Variants in DYNC2H1 observed in about 807,000 individuals in gnomAD.
The protein encoded by DYNC2H1 is dynein cytoplasmic 2 heavy chain 1.
DYNC2H1 carries 410 observed loss-of-function variants against 570.0 expected under a neutral mutation model. That is an observed-to-expected ratio of 0.72 (90% CI 0.66 to 0.78). DYNC2H1 has a LOEUF of 0.78. Among genes scored for constraint, DYNC2H1 ranks in the 30% least tolerant of loss-of-function variants. The probability of loss-of-function intolerance (pLI) is 0.00; values close to 1 mark genes in which losing one functional copy is unlikely to be tolerated. For synonymous variants in DYNC2H1, 1,688 were observed against 1,677.6 expected (o/e 1.01, Z -0.15); for missense variants, 4,865 against 5,046.4 (o/e 0.96, Z 1.09).
intron 87 of DYNC2H1, among the ~76,000 whole-genome samples, chr11:103,459,678 C>T (rs989964007): frequency 1.3e-5 from 2 of 152,000 alleles, no homozygotes; most frequent in Non-Finnish European, 2.9e-5. Context: ...AGTGGCCGGG[C>T]GCGGTGGCTC....
chr11:103,164,875 A>G (rs629779), intron 30 of DYNC2H1, among the ~76,000 whole-genome samples: 88,852 of 151,994 alleles, frequency 0.58, 26,447 homozygotes, highest in Admixed American at 0.69. Context: ...ATATGTATTT[A>G]TAATATAGAA....
chr11:103,174,369 T>C (rs538221428), intron 36 of DYNC2H1, among the ~76,000 whole-genome samples, 199 bp downstream of exon 36: 2 of 152,204 alleles, frequency 1.3e-5, no homozygotes, highest in Non-Finnish European at 2.9e-5. Context: ...TGATACATTG[T>C]TTTTAAACTA....
In DYNC2H1 at chr11:103,166,233, G is replaced by A. The variant is rs1861298215; in HGVS notation, c.4762+185G>A. On this transcript the variant is annotated intron_variant, in intron 31 of 88. Transcript: ENST00000375735. The stretch of plus-strand genomic sequence containing the variant: ...AATTTACTAATTTAAATAGAATATA[G>A]AAACCTTACTACCATATAGGCTTCT... 3.3e-5 allele frequency among the ~76,000 whole-genome samples: 5 copies of A among 151,980 alleles called. No individual in the cohort carries two copies. In the South Asian group the frequency reaches 1.0e-3, roughly 32 times the overall value.
At chr11:103,344,519 T>C (rs1939638609) in intron 82 of DYNC2H1, among the ~76,000 whole-genome samples, 1 of 152,196 alleles carries the variant, frequency 6.6e-6, no homozygotes, top group Non-Finnish European at 1.5e-5. Flanking sequence ...GGAGCCTTCA[T>C]ACCTTCTGTT....
At chr11:103,380,154 T>A (rs1288008690) in intron 83 of DYNC2H1, among the ~76,000 whole-genome samples, 1 of 152,224 alleles carries the variant, frequency 6.6e-6, no homozygotes, top group Non-Finnish European at 1.5e-5. Flanking sequence ...CAGGTTCTCA[T>A]CTTTTCCCAT....
chr11:103,125,805 G>A (rs1858967713), intron 12 of DYNC2H1, among the ~76,000 whole-genome samples: 1 of 152,118 alleles, frequency 6.6e-6, no homozygotes, highest in African/African-American at 2.4e-5. Context: ...GACTGGTTTT[G>A]GCCTTTACTA....
At chr11:103,146,460 C>T (rs2134845803) in intron 18 of DYNC2H1, among the ~76,000 whole-genome samples, 1 of 152,150 alleles carries the variant, frequency 6.6e-6, no homozygotes, top group South Asian at 2.1e-4. Context: ...TACTTGTTTT[C>T]TGATTATTAA....
chr11:103,267,161 C>T (rs1371504294), intron 70 of DYNC2H1, among the ~76,000 whole-genome samples: 1 of 152,006 alleles, frequency 6.6e-6, no homozygotes, highest in Non-Finnish European at 1.5e-5. Flanking sequence ...GTTCAACTCA[C>T]TTAGTCCCCA....
At chr11:103,391,601 C>G (rs547753207) in intron 83 of DYNC2H1, among the ~76,000 whole-genome samples, 79 of 152,328 alleles carry the variant, frequency 5.2e-4, no homozygotes, top group African/African-American at 1.9e-3. Context: ...AGCTTTTCTG[C>G]TCTGTTTTTT....
chr11:103,449,044 G>A (rs935884768), intron 85 of DYNC2H1, among the ~76,000 whole-genome samples: 2 of 152,142 alleles, frequency 1.3e-5, no homozygotes, highest in Admixed American at 6.5e-5. Flanking sequence ...TGATATGGTG[G>A]CATGTGAACA....
In DYNC2H1 at chr11:103,456,341, A is replaced by C; in HGVS notation, c.12633A>C (p.Ala4211=). The C allele has an allele frequency of 6.2e-7, 1 of 1,601,484 alleles. No homozygotes were observed. Among genetic ancestry groups the C allele is most frequent in the Non-Finnish European group, 8.5e-7 (1 of 1,173,350 alleles). Residue 4211 remains alanine, a synonymous_variant, in exon 87 of 89, where the codon GCA becomes GCC. Transcript: ENST00000375735. ...CATGGAAAGGTCGACTGCAAGAAGC[A>C]AAGCTACAAATTAAGGTACTAGACT... ...VASWKGRLQE[A]KLQIKISGLL...
At chr11:103,360,805 T>C (rs1395332756) in intron 83 of DYNC2H1, among the ~76,000 whole-genome samples, 1 of 152,106 alleles carries the variant, frequency 6.6e-6, no homozygotes, top group African/African-American at 2.4e-5. Flanking sequence ...AGCAAGTAAA[T>C]AAATAAAATA....
intron 70 of DYNC2H1, among the ~76,000 whole-genome samples, chr11:103,270,633 C>T (rs1268888830): frequency 6.6e-6 from 1 of 151,784 alleles, no homozygotes; most frequent in Non-Finnish European, 1.5e-5. Flanking sequence ...ACTCACCCTT[C>T]TTGTGATCTG....
intron 60 of DYNC2H1, among the ~76,000 whole-genome samples, chr11:103,231,598 A>ATAG (rs1555075717): frequency 1.3e-5 from 2 of 151,830 alleles, no homozygotes; most frequent in African/African-American, 4.8e-5. Flanking sequence ...TCATTTTTGA[A>ATAG]TATTAGTTTT....
chr11:103,388,712 GT>G (rs1368203883), intron 83 of DYNC2H1, among the ~76,000 whole-genome samples: 1 of 97,474 alleles, frequency 1.0e-5, no homozygotes, highest in Non-Finnish European at 1.9e-5. Context: ...TAGCATGAAG[GT>G]TGTTGAATTT....
intron 54 of DYNC2H1, among the ~76,000 whole-genome samples, chr11:103,214,550 T>A (rs1466340019): frequency 6.6e-6 from 1 of 150,940 alleles, no homozygotes; most frequent in Non-Finnish European, 1.5e-5. Flanking sequence ...GTTCAAGAGA[T>A]TCTTATGCCT....
chr11:103,414,976 A>T (rs1056749885), intron 84 of DYNC2H1, among the ~76,000 whole-genome samples: 2 of 152,166 alleles, frequency 1.3e-5, no homozygotes. Context: ...TAATTTATAG[A>T]TTCAGTGCTA....
In DYNC2H1 at chr11:103,201,588, G is replaced by A. The variant is rs1206699957; in HGVS notation, c.8197+1434G>A. 6.6e-6 allele frequency among the ~76,000 whole-genome samples: 1 copy of A among 152,002 alleles called. No individual in the cohort carries two copies. The highest frequency in any genetic ancestry group is 1.5e-5 in the Non-Finnish European group (1 of 68,010). On this transcript the variant is annotated intron_variant, in intron 50 of 88. Transcript: ENST00000375735. The surrounding 1 kb of genome is among the most constrained non-coding windows in gnomAD (Gnocchi z 4.8). ...TGGGGTATGGTGGGAGTATCATTTG[G>A]CTATTGTGACTCCCTAATTGAGTCT...
intron 85 of DYNC2H1, among the ~76,000 whole-genome samples, chr11:103,451,376 A>C (rs1449676508): frequency 8.7e-6 from 1 of 115,590 alleles, no homozygotes; most frequent in Non-Finnish European, 1.6e-5. Context: ...CTCTATCACC[A>C]GGCTGGAGTG....
Sources: gnomAD v4.1 joint callset for allele counts (sites outside exome capture counted in the v4.1 genomes callset) on GRCh38, gnomAD v4.1.1 for gene constraint, Gnocchi (gnomAD v3.1) non-coding constraint, MANE v1.5 for transcripts, NCBI Gene and HGNC (gene_info 2026-07-23, HGNC 2026-07-21) for gene names.